Variants in PCDH15 observed in about 807,000 individuals in gnomAD.
PCDH15 encodes protocadherin related 15.
PCDH15 carries 129 observed loss-of-function variants against 178.5 expected under a neutral mutation model. The ratio of observed to expected loss-of-function variants is 0.72; its 90% CI spans 0.63 to 0.84. The LOEUF is 0.84. PCDH15 is among the 40% of genes least tolerant of loss of function. The pLI, the probability that PCDH15 is intolerant of heterozygous loss-of-function variation, is 0.00. For missense variants in PCDH15, 2,230 were observed against 2,099.9 expected (o/e 1.06, Z -1.21); for synonymous variants, 800 against 732.0 (o/e 1.09, Z -1.50).
At chr10:54,686,059 T>TTTTTTTTTC (rs2094996363) in intron 1 of PCDH15, among the ~76,000 whole-genome samples, 10 of 147,552 alleles carry the variant, frequency 6.8e-5, no homozygotes, top group Non-Finnish European at 1.2e-4. Context: ...TTTTTTTTTT[T>TTTTTTTTTC]GTATTTTTAG....
chr10:54,644,576 A>G (rs2094079050), intron 2 of PCDH15, among the ~76,000 whole-genome samples: 1 of 152,050 alleles, frequency 6.6e-6, no homozygotes, highest in Non-Finnish European at 1.5e-5. Flanking sequence ...TTAAGCTTCC[A>G]GTTACTTGTC....
chr10:54,435,310 C>A (rs1163445980), intron 3 of PCDH15, among the ~76,000 whole-genome samples: 1 of 152,054 alleles, frequency 6.6e-6, no homozygotes, highest in Non-Finnish European at 1.5e-5. Context: ...TTTTCTTTTT[C>A]TTTTACCTAG....
intron 2 of PCDH15, among the ~76,000 whole-genome samples, chr10:54,575,657 A>T (rs189764596): frequency 0.01 from 659 of 64,528 alleles, 5 homozygotes; most frequent in Middle Eastern, 0.042. Flanking sequence ...GCAGGTAGAT[A>T]TATTGAAAAT....
At chr10:55,547,670 G>A (rs1841914050) in intron 2 of PCDH15, among the ~76,000 whole-genome samples, 1 of 152,018 alleles carries the variant, frequency 6.6e-6, no homozygotes, top group Non-Finnish European at 1.5e-5. Context: ...TCACTTTAAA[G>A]ATGGACTGGC....
At position 53,976,622 on chromosome 10, in the gene PCDH15, A is replaced by C. The variant is rs184341490; in HGVS notation, c.2869-14730T>G. On this transcript the variant is annotated intron_variant, in intron 21 of 37. Transcript: ENST00000644397. Reference sequence around the variant, plus strand: ...ATAGCACATATGCTTATGTGAAATTATGTTACATATTTACTTGTGTATGGT... The same window carrying C: ...ATAGCACATATGCTTATGTGAAATTCTGTTACATATTTACTTGTGTATGGT... Among the ~76,000 whole-genome samples the C allele has an allele frequency of 3.5e-3, 533 of 152,234 alleles. 1 individual carries two copies. The highest frequency in any genetic ancestry group is 5.5e-3 in the Non-Finnish European group (373 of 68,018).
At chr10:55,589,347 T>C (rs1272015703) in intron 2 of PCDH15, among the ~76,000 whole-genome samples, 1 of 152,156 alleles carries the variant, frequency 6.6e-6, no homozygotes, top group East Asian at 1.9e-4. Flanking sequence ...CTCAGGTTTG[T>C]CAAAGATCAG....
intron 25 of PCDH15, among the ~76,000 whole-genome samples, chr10:53,912,826 T>C (rs1391536375): frequency 6.6e-6 from 1 of 152,192 alleles, no homozygotes; most frequent in Non-Finnish European, 1.5e-5. Context: ...TCCATGCTCA[T>C]GGATAGGAAG....
At chr10:54,894,235 A>G (rs1219769256) in intron 3 of PCDH15, among the ~76,000 whole-genome samples, 1 of 152,142 alleles carries the variant, frequency 6.6e-6, no homozygotes, top group Non-Finnish European at 1.5e-5. Context: ...ATAAAGCAAT[A>G]TATTGTTCAG....
rs919993512 is a variant in PCDH15 at position 53,914,766 on chromosome 10, A to G, written c.3374-11396T>C. Among the ~76,000 whole-genome samples the G allele has an allele frequency of 4.6e-5, 7 of 152,328 alleles. No homozygotes were observed. The South Asian group carries it at 8.3e-4, about 18-fold the overall frequency. Reference sequence around the variant, plus strand: ...TACCCTAGAACTTAAAGTATATAAAAAAAAATAAAAACAACTGCATGTTGT... The same window carrying G: ...TACCCTAGAACTTAAAGTATATAAAGAAAAATAAAAACAACTGCATGTTGT... On this transcript the variant is annotated intron_variant, in intron 25 of 37. Coordinates refer to ENST00000644397, the MANE Select transcript of PCDH15 (RefSeq NM_001384140.1).
intron 1 of PCDH15, among the ~76,000 whole-genome samples, chr10:54,686,303 A>C (rs1459080329): frequency 6.6e-6 from 1 of 152,100 alleles, no homozygotes. Flanking sequence ...AGGCCATTTA[A>C]TAGTTGAAAT....
At position 54,531,931 on chromosome 10, in the gene PCDH15, C is replaced by T. The variant is rs548807934; in HGVS notation, c.92-4054G>A. Among the ~76,000 whole-genome samples the T allele has an allele frequency of 1.2e-4, 18 of 152,232 alleles. No homozygotes were observed. The South Asian group carries it at 1.7e-3, about 14-fold the overall frequency. ...AATGGCATAATTCTGCACCAAGCCA[C>T]ATAAGTCAGAAACCAGGAAGTCACA... On this transcript the variant is annotated intron_variant, in intron 2 of 37. Transcript: ENST00000644397.
chr10:55,238,434 G>A (rs1388009542), intron 1 of PCDH15, among the ~76,000 whole-genome samples: 1 of 152,106 alleles, frequency 6.6e-6, no homozygotes, highest in Non-Finnish European at 1.5e-5. Flanking sequence ...AAAGGCGTGA[G>A]CCACCGCGCC....
At chr10:54,148,585 G>C (rs548307497) in intron 14 of PCDH15, among the ~76,000 whole-genome samples, 7 of 151,906 alleles carry the variant, frequency 4.6e-5, no homozygotes, top group Non-Finnish European at 7.4e-5. Context: ...CGTGGATATG[G>C]AGGGCCAAGT....
At chr10:55,081,216 T>C (rs1010190937) in intron 2 of PCDH15, among the ~76,000 whole-genome samples, 3 of 152,136 alleles carry the variant, frequency 2.0e-5, no homozygotes, top group Admixed American at 6.5e-5. Flanking sequence ...TTTCCTATGT[T>C]GAGCTTCAGT....
chr10:55,391,847 G>C (rs532236654), intron 2 of PCDH15, among the ~76,000 whole-genome samples: 1 of 152,172 alleles, frequency 6.6e-6, no homozygotes, highest in East Asian at 1.9e-4. Context: ...CCGGCTAACT[G>C]TTTGGCCTAA....
intron 3 of PCDH15, among the ~76,000 whole-genome samples, chr10:54,813,648 C>T (rs564479132): frequency 6.6e-6 from 1 of 152,292 alleles, no homozygotes; most frequent in East Asian, 1.9e-4. Context: ...ATTCTCCAAC[C>T]TCTGTGTACC....
chr10:54,994,758 A>G (rs1839593804), intron 2 of PCDH15, among the ~76,000 whole-genome samples: 1 of 152,150 alleles, frequency 6.6e-6, no homozygotes, highest in Non-Finnish European at 1.5e-5. Flanking sequence ...GGATGCATTA[A>G]TATTTTGTTA....
intron 2 of PCDH15, among the ~76,000 whole-genome samples, chr10:55,578,588 C>T (rs993413780): frequency 2.0e-5 from 3 of 152,100 alleles, no homozygotes; most frequent in African/African-American, 4.8e-5. Context: ...TTATACCAAC[C>T]GCACTTTCAT....
In PCDH15 at chr10:54,149,244, C is replaced by A. The variant is rs75618901; in HGVS notation, c.1784+3856G>T. Among the ~76,000 whole-genome samples the A allele has an allele frequency of 2.6e-3, 393 of 152,182 alleles. 1 individual carries two copies. The highest frequency in any genetic ancestry group is 3.8e-3 in the Non-Finnish European group (259 of 67,984). On this transcript the variant is annotated intron_variant, in intron 14 of 37. Coordinates refer to ENST00000644397, the MANE Select transcript of PCDH15 (RefSeq NM_001384140.1). ...TTAATCTCAAAATTGCTATGCTAAA[C>A]TCAATTTAATTTATATTCTTTATAT...
Sources: gnomAD v4.1 joint callset for allele counts (sites outside exome capture counted in the v4.1 genomes callset) on GRCh38, gnomAD v4.1.1 for gene constraint, MANE v1.5 for transcripts, NCBI Gene and HGNC (gene_info 2026-07-23, HGNC 2026-07-21) for gene names.